FNBP1: variants seen among roughly 807,000 people sequenced by gnomAD.
FNBP1 encodes the protein formin binding protein 1.
FNBP1 carries 26 observed loss-of-function variants against 90.6 expected under a neutral mutation model. The ratio of observed to expected loss-of-function variants is 0.29; its 90% CI spans 0.21 to 0.40. FNBP1 has a LOEUF of 0.40. Ranked by LOEUF, FNBP1 falls within the 10% of genes least tolerant of loss-of-function variation. FNBP1 has a pLI of 1.00. For synonymous variants in FNBP1, 260 were observed against 265.2 expected (o/e 0.98, Z 0.19); for missense variants, 635 against 768.0 (o/e 0.83, Z 2.05).
intron 1 of FNBP1, among the ~76,000 whole-genome samples, chr9:130,018,843 G>A (rs891825403): frequency 6.6e-6 from 1 of 152,128 alleles, no homozygotes; most frequent in Non-Finnish European, 1.5e-5. Flanking sequence ...GTAAATTCTT[G>A]TTCCCTGAAA....
At chr9:129,945,490 T>C (rs952203698) in intron 6 of FNBP1, among the ~76,000 whole-genome samples, 2 of 152,226 alleles carry the variant, frequency 1.3e-5, no homozygotes, top group African/African-American at 2.4e-5. Context: ...GATATTAACA[T>C]GTTCCATAAA....
chr9:130,036,159 A>T (rs2059292942), intron 1 of FNBP1, among the ~76,000 whole-genome samples: 1 of 152,238 alleles, frequency 6.6e-6, no homozygotes, highest in Non-Finnish European at 1.5e-5. Context: ...ATCTAATTAG[A>T]TTAATTTCCC....
At position 129,888,403 on chromosome 9, in the gene FNBP1, G is replaced by A. The variant is rs2296790; in HGVS notation, c.*2136C>T. On this transcript the variant is annotated 3_prime_UTR_variant, in exon 17 of 17. Transcript: ENST00000446176. The stretch of plus-strand genomic sequence containing the variant: ...TGGCGGGGGAGCCCATTGTGGAGCT[G>A]TGGGGACTGCCACACTCACCATGCA... The A allele has an allele frequency of 0.015, 3,465 of 232,744 alleles. 43 individuals carry two copies. The highest frequency in any genetic ancestry group is 0.028 in the Middle Eastern group (22 of 782). 14.4% of individuals were successfully genotyped at this position (232,744 alleles called of 1,614,324 possible). A position where few individuals can be genotyped will look rare whatever the true frequency, so the allele number is the denominator to read the frequency against.
intron 6 of FNBP1, among the ~76,000 whole-genome samples, chr9:129,956,471 T>C (rs1487525208): frequency 6.6e-6 from 1 of 152,162 alleles, no homozygotes; most frequent in Non-Finnish European, 1.5e-5. Flanking sequence ...AAAAATAAAA[T>C]TCAGCTTCTA....
intron 4 of FNBP1, among the ~76,000 whole-genome samples, chr9:129,971,113 G>A (rs765643358): frequency 3.3e-5 from 5 of 151,560 alleles, no homozygotes; most frequent in Non-Finnish European, 5.9e-5. Flanking sequence ...GGCTGGTCTG[G>A]AACTCCTGAC....
chr9:129,914,515 G>T (rs1396926065), intron 11 of FNBP1, among the ~76,000 whole-genome samples: 2 of 151,668 alleles, frequency 1.3e-5, no homozygotes, highest in African/African-American at 4.8e-5. Context: ...AGCTGAGAAG[G>T]CCTCCTAGTC....
rs931502057 is a variant in FNBP1 at position 129,887,671 on chromosome 9, T to C, written c.*2868A>G. ...CCCAAGGAACAGCCCATGACAACCT[T>C]CTGTGCCTTTTTATACTTTCCCATC... On this transcript the variant is annotated 3_prime_UTR_variant, in exon 17 of 17. Coordinates refer to ENST00000446176, the MANE Select transcript of FNBP1 (RefSeq NM_015033.3). 3 of 219,810 alleles carry C rather than the reference T, an allele frequency of 1.4e-5. No homozygotes were observed. The highest frequency in any genetic ancestry group is 6.7e-5 in the African/African-American group (3 of 44,570). 13.6% of individuals were successfully genotyped at this position (219,810 alleles called of 1,614,324 possible). A position where few individuals can be genotyped will look rare whatever the true frequency, so the allele number is the denominator to read the frequency against.
chr9:130,038,013 T>A (rs1245520176), intron 1 of FNBP1, among the ~76,000 whole-genome samples: 1 of 152,142 alleles, frequency 6.6e-6, no homozygotes, highest in Non-Finnish European at 1.5e-5. Context: ...AACAGATGAA[T>A]GTATATTATA....
rs568723057 is a variant in FNBP1, at chr9:129,929,484, C to A, written c.642+83G>T. On this transcript the variant is annotated intron_variant, in intron 7 of 16. Transcript: ENST00000446176. ...AAAGACTCAGACTCAGAATACAAACCCAGCAATCACGATTCAGAAGTGTCA... is the reference window on the plus strand; with the variant it reads ...AAAGACTCAGACTCAGAATACAAACACAGCAATCACGATTCAGAAGTGTCA... The A allele has an allele frequency of 5.9e-4, 745 of 1,269,166 alleles. 4 individuals carry two copies. The highest frequency in any genetic ancestry group is 9.5e-5 in the Non-Finnish European group (85 of 892,146). The allele number at this position is 1,269,166 out of a possible 1,614,324, so 78.6% of individuals were successfully genotyped here. A position where few individuals can be genotyped will look rare whatever the true frequency, so the allele number is the denominator to read the frequency against.
chr9:129,922,965 C>T (rs999541719), intron 10 of FNBP1, among the ~76,000 whole-genome samples: 2 of 151,990 alleles, frequency 1.3e-5, no homozygotes, highest in Non-Finnish European at 2.9e-5. Context: ...AAGTAATCTT[C>T]CTGCCTCGGC....
chr9:129,971,778 G>A (rs1030076308), intron 4 of FNBP1, among the ~76,000 whole-genome samples: 8 of 152,334 alleles, frequency 5.3e-5, no homozygotes, highest in South Asian at 4.1e-4. Context: ...AGGAAACATC[G>A]TCTTTGCACA....
intron 11 of FNBP1, among the ~76,000 whole-genome samples, chr9:129,915,213 C>G (rs909571894): frequency 6.6e-6 from 1 of 152,112 alleles, no homozygotes; most frequent in African/African-American, 2.4e-5. Flanking sequence ...TGGGTAGCAG[C>G]TGCTGGCTGG....
intron 1 of FNBP1, among the ~76,000 whole-genome samples, chr9:130,025,565 C>G (rs1239400615): frequency 6.6e-6 from 1 of 152,196 alleles, no homozygotes; most frequent in Non-Finnish European, 1.5e-5. Flanking sequence ...ATACCAAATT[C>G]ATTGATCACG....
intron 2 of FNBP1, among the ~76,000 whole-genome samples, chr9:129,986,199 A>T (rs564711178): frequency 1.3e-5 from 2 of 152,086 alleles, no homozygotes; most frequent in Non-Finnish European, 2.9e-5. Context: ...CAGAAGCAAA[A>T]GAAAAATCCA....
chr9:129,969,166 G>A (rs2049056844), intron 4 of FNBP1, among the ~76,000 whole-genome samples: 1 of 152,198 alleles, frequency 6.6e-6, no homozygotes, highest in Non-Finnish European at 1.5e-5. Context: ...CCACATCTCA[G>A]ATAAGCTAAT....
chr9:130,038,978 C>T (rs895991931), intron 1 of FNBP1, among the ~76,000 whole-genome samples: 10 of 152,122 alleles, frequency 6.6e-5, no homozygotes, highest in Admixed American at 2.0e-4. Flanking sequence ...CTGTCACTTC[C>T]CTCAGTAAGT....
At chr9:130,033,340 C>G (rs2058975995) in intron 1 of FNBP1, among the ~76,000 whole-genome samples, 1 of 152,166 alleles carries the variant, frequency 6.6e-6, no homozygotes, top group African/African-American at 2.4e-5. Context: ...TCCAGCACTG[C>G]CTCACTCAAC....
At chr9:129,965,706 G>GCT (rs1199029888) in intron 4 of FNBP1, among the ~76,000 whole-genome samples, 14 of 110,858 alleles carry the variant, frequency 1.3e-4, no homozygotes, top group African/African-American at 3.0e-4. Context: ...ACGCGCGCGC[G>GCT]CGCACACACA....
At chr9:130,012,218 G>A (rs2056701959) in intron 1 of FNBP1, among the ~76,000 whole-genome samples, 1 of 152,188 alleles carries the variant, frequency 6.6e-6, no homozygotes, top group African/African-American at 2.4e-5. Flanking sequence ...TGACTACTAG[G>A]TATGCCACAT....
Sources: allele counts gnomAD v4.1 joint callset (sites outside exome capture counted in the v4.1 genomes callset), GRCh38; gene constraint gnomAD v4.1.1; transcripts MANE v1.5; gene names NCBI Gene and HGNC (gene_info 2026-07-23, HGNC 2026-07-21).